Variants in SCHIP1 observed in about 807,000 individuals in gnomAD.
SCHIP1 encodes the protein schwannomin-interacting protein 1.
A neutral mutation model predicts 29.7 loss-of-function variants in SCHIP1; 8 were observed. The ratio of observed to expected loss-of-function variants is 0.27; its 90% confidence interval spans 0.16 to 0.49. SCHIP1 has a LOEUF of 0.49. SCHIP1 is among the 20% of genes least tolerant of loss of function. The pLI is 0.99. For missense variants in SCHIP1, 193 were observed against 294.6 expected, an observed-to-expected ratio of 0.66 and a Z score of 2.52; for synonymous variants, 76 against 94.9, an observed-to-expected ratio of 0.80 and a Z score of 1.16.
chr3:159,811,152 T>C, the SCHIP1 span, among the ~76,000 whole-genome samples: 1 of 152,240 alleles, frequency 6.6e-6, no homozygotes, highest in African/African-American at 2.4e-5. Context: ...TGGCTTGTCT[T>C]ATTATTAACT....
chr3:159,540,094 G>A, the SCHIP1 span, among the ~76,000 whole-genome samples: 16 of 151,136 alleles, frequency 1.1e-4, no homozygotes, highest in Middle Eastern at 3.4e-3. Flanking sequence ...CTCTCCCTTC[G>A]TCTCTTCTGC....
the SCHIP1 span, among the ~76,000 whole-genome samples, chr3:159,798,062 T>C: frequency 3.3e-5 from 5 of 152,224 alleles, no homozygotes; most frequent in African/African-American, 7.2e-5. Flanking sequence ...AGTTTCAACT[T>C]GGTGGCATGG....
chr3:159,313,184 A>G, the SCHIP1 span, among the ~76,000 whole-genome samples: 1 of 152,234 alleles, frequency 6.6e-6, no homozygotes, highest in Non-Finnish European at 1.5e-5. Flanking sequence ...ATTTATAAGG[A>G]TTACAGAAGA....
chr3:159,614,982 T>C, the SCHIP1 span, among the ~76,000 whole-genome samples: 1 of 152,060 alleles, frequency 6.6e-6, no homozygotes, highest in Admixed American at 6.6e-5. Flanking sequence ...AATGCACAGG[T>C]GCCGTGATAG....
intron 1 of SCHIP1, among the ~76,000 whole-genome samples, chr3:159,865,032 C>T (rs912267552): frequency 6.6e-6 from 1 of 152,176 alleles, no homozygotes; most frequent in African/African-American, 2.4e-5. Context: ...GCGCCCTTCC[C>T]ACAGGCTATG....
intron 1 of SCHIP1, among the ~76,000 whole-genome samples, chr3:159,851,585 T>C (rs1020313537): frequency 6.6e-6 from 1 of 152,244 alleles, no homozygotes; most frequent in African/African-American, 2.4e-5. Context: ...GGTAAGAAGA[T>C]GCATGCTTCC....
At chr3:159,512,596 T>C in the SCHIP1 span, among the ~76,000 whole-genome samples, 9 of 152,206 alleles carry the variant, frequency 5.9e-5, no homozygotes, top group Non-Finnish European at 1.0e-4. Context: ...AGTAGGTGTA[T>C]ATATTTATGA....
At chr3:159,581,321 G>A in the SCHIP1 span, among the ~76,000 whole-genome samples, 2 of 152,200 alleles carry the variant, frequency 1.3e-5, no homozygotes, top group African/African-American at 4.8e-5. Flanking sequence ...AGCTGAAGAA[G>A]CTGGCAACCA....
chr3:159,721,575 C>A, the SCHIP1 span: 2 of 190,380 alleles, frequency 1.1e-5, no homozygotes, highest in African/African-American at 2.4e-5. Flanking sequence ...TCATCAGGGG[C>A]CTTCTCATTA....
At chr3:159,665,717 G>A in the SCHIP1 span, among the ~76,000 whole-genome samples, 1 of 152,096 alleles carries the variant, frequency 6.6e-6, no homozygotes, top group Admixed American at 6.5e-5. Flanking sequence ...AGGTCCTGGA[G>A]GAATAAGCAG....
chr3:159,310,016 A>T, the SCHIP1 span, among the ~76,000 whole-genome samples: 1 of 152,220 alleles, frequency 6.6e-6, no homozygotes, highest in East Asian at 1.9e-4. Flanking sequence ...TCAAGCAAAT[A>T]TAAAATCCAG....
chr3:159,324,263 G>C, the SCHIP1 span, among the ~76,000 whole-genome samples: 1 of 151,866 alleles, frequency 6.6e-6, no homozygotes, highest in African/African-American at 2.4e-5. Context: ...ATTTATTTTA[G>C]AAATACATTC....
the SCHIP1 span, among the ~76,000 whole-genome samples, chr3:159,397,649 G>A: frequency 6.6e-6 from 1 of 152,188 alleles, no homozygotes; most frequent in Non-Finnish European, 1.5e-5. Flanking sequence ...CAGGGGTCAG[G>A]GACCCACTTG....
At chr3:159,360,967 C>T in the SCHIP1 span, among the ~76,000 whole-genome samples, 5 of 152,074 alleles carry the variant, frequency 3.3e-5, no homozygotes, top group South Asian at 2.1e-4. Context: ...CAGACAATAT[C>T]GGGGTTACTT....
At chr3:159,689,124 A>T in the SCHIP1 span, among the ~76,000 whole-genome samples, 1 of 152,178 alleles carries the variant, frequency 6.6e-6, no homozygotes, top group Non-Finnish European at 1.5e-5. Context: ...GTTTTTTCTA[A>T]TTCTGTGAAG....
At chr3:159,703,418 C>T in the SCHIP1 span, among the ~76,000 whole-genome samples, 1 of 152,238 alleles carries the variant, frequency 6.6e-6, no homozygotes, top group East Asian at 1.9e-4. Flanking sequence ...CTACCAATGC[C>T]TGGTATGGAT....
the SCHIP1 span, among the ~76,000 whole-genome samples, chr3:159,318,072 A>G: frequency 7.2e-5 from 11 of 152,210 alleles, no homozygotes; most frequent in African/African-American, 2.6e-4. Context: ...TGCTGAGCCC[A>G]TGTGTAACCT....
the SCHIP1 span, among the ~76,000 whole-genome samples, chr3:159,551,689 T>C: frequency 6.6e-6 from 1 of 152,210 alleles, no homozygotes; most frequent in African/African-American, 2.4e-5. Context: ...GATTTGGTCT[T>C]TATACTGCTA....
At chr3:159,337,260 G>A in the SCHIP1 span, among the ~76,000 whole-genome samples, 2 of 152,032 alleles carry the variant, frequency 1.3e-5, no homozygotes, top group Admixed American at 1.3e-4. Flanking sequence ...GGCAAAAACT[G>A]GAAGCATTCC....
Sources: allele counts gnomAD v4.1 joint callset (sites outside exome capture counted in the v4.1 genomes callset), GRCh38; gene constraint gnomAD v4.1.1; transcripts MANE v1.5; gene names NCBI Gene and HGNC (gene_info 2026-07-23, HGNC 2026-07-21).